AHCYL2: variants seen among roughly 807,000 people sequenced by gnomAD.
AHCYL2 encodes adenosylhomocysteinase like 2, also known as S-adenosylhomocysteine hydrolase-like protein 2.
Under a neutral mutation model 81.4 loss-of-function variants are expected in AHCYL2, and 28 were observed. That is an observed-to-expected ratio of 0.34 (90% confidence interval 0.25 to 0.47). AHCYL2 has a LOEUF of 0.47. AHCYL2 is among the 20% of genes least tolerant of loss of function. AHCYL2 has a pLI of 1.00. For synonymous variants in AHCYL2, 272 were observed against 290.2 expected, an observed-to-expected ratio of 0.94 and a Z score of 0.64; for missense variants, 551 against 785.1, an observed-to-expected ratio of 0.70 and a Z score of 3.56.
chr7:129,356,259 A>G (rs923253903), intron 1 of AHCYL2, among the ~76,000 whole-genome samples: 20 of 152,196 alleles, frequency 1.3e-4, no homozygotes, highest in African/African-American at 4.6e-4. Context: ...TGAATGTAAG[A>G]GTTACACAGT....
chr7:129,365,687 G>A (rs573994215), intron 1 of AHCYL2, among the ~76,000 whole-genome samples: 6 of 146,162 alleles, frequency 4.1e-5, no homozygotes, highest in African/African-American at 1.5e-4. Flanking sequence ...ATTTGTAGAG[G>A]GTTAAGAGGC....
chr7:129,298,743 G>A (rs1797139921), intron 1 of AHCYL2, among the ~76,000 whole-genome samples: 1 of 152,144 alleles, frequency 6.6e-6, no homozygotes, highest in South Asian at 2.1e-4. Flanking sequence ...TCTATTTTAT[G>A]TATTATATTA....
At chr7:129,275,045 T>G (rs868857082) in intron 1 of AHCYL2, among the ~76,000 whole-genome samples, 1 of 152,170 alleles carries the variant, frequency 6.6e-6, no homozygotes, top group Non-Finnish European at 1.5e-5. Flanking sequence ...GATTATTGTT[T>G]AACACTACTA....
At chr7:129,254,692 G>C (rs1027563668) in intron 1 of AHCYL2, among the ~76,000 whole-genome samples, 1 of 152,054 alleles carries the variant, frequency 6.6e-6, no homozygotes, top group African/African-American at 2.4e-5. Context: ...GGATCACTTT[G>C]GCTTTTCTTA....
chr7:129,363,039 A>C (rs997739462), intron 1 of AHCYL2, among the ~76,000 whole-genome samples: 1 of 152,184 alleles, frequency 6.6e-6, no homozygotes, highest in South Asian at 2.1e-4. Flanking sequence ...GTATCGAGTC[A>C]ATACTTGTGG....
intron 1 of AHCYL2, among the ~76,000 whole-genome samples, chr7:129,285,303 A>C (rs1326563193): frequency 3.3e-5 from 5 of 152,174 alleles, no homozygotes; most frequent in Admixed American, 3.3e-4. Flanking sequence ...GAGTTCACAC[A>C]AGTTTGTTGA....
intron 11 of AHCYL2, among the ~76,000 whole-genome samples, chr7:129,412,943 A>G (rs1043906467): frequency 2.0e-5 from 3 of 151,994 alleles, no homozygotes; most frequent in Non-Finnish European, 2.9e-5. Context: ...GGCTCAATCA[A>G]TCCTCCCACC....
chr7:129,249,980 A>G (rs1007338215), intron 1 of AHCYL2, among the ~76,000 whole-genome samples: 2 of 152,116 alleles, frequency 1.3e-5, no homozygotes, highest in African/African-American at 2.4e-5. Flanking sequence ...GGTTGTCTCT[A>G]TATTCTTTTG....
At chr7:129,309,829 C>T (rs1797587585) in intron 1 of AHCYL2, among the ~76,000 whole-genome samples, 1 of 151,802 alleles carries the variant, frequency 6.6e-6, no homozygotes, top group Non-Finnish European at 1.5e-5. Context: ...TGGTTGGTTC[C>T]CTTTGCCTTT....
chr7:129,382,594 T>C lies in AHCYL2; in HGVS notation c.475+2845T>C, dbSNP rs1795011528. Among the ~76,000 whole-genome samples the C allele has an allele frequency of 2.0e-5, 3 of 149,140 alleles. No individual in the cohort carries two copies. In the South Asian group the frequency reaches 6.4e-4, roughly 32 times the overall value. ...CAGCCTGGGCAATAGAGTGAGACTTTTTTTTATTTAATAAAAAAAAATAAT... is the reference window on the plus strand; with the variant it reads ...CAGCCTGGGCAATAGAGTGAGACTTCTTTTTATTTAATAAAAAAAAATAAT... On this transcript the variant is annotated intron_variant, in intron 2 of 16. Transcript: ENST00000325006.
At chr7:129,299,987 T>A (rs955899032) in intron 1 of AHCYL2, among the ~76,000 whole-genome samples, 5 of 152,110 alleles carry the variant, frequency 3.3e-5, no homozygotes, top group African/African-American at 4.8e-5. Flanking sequence ...ACTTGAAAAA[T>A]TTTTTTATTT....
intron 1 of AHCYL2, among the ~76,000 whole-genome samples, chr7:129,296,575 G>A (rs1049730650): frequency 7.9e-5 from 12 of 152,150 alleles, no homozygotes; most frequent in African/African-American, 2.4e-4. Context: ...AGTTGGGCAT[G>A]TAACACATGC....
At chr7:129,231,138 A>G in intron 1 of AHCYL2, among the ~76,000 whole-genome samples, 1 of 152,090 alleles carries the variant, frequency 6.6e-6, no homozygotes, top group Non-Finnish European at 1.5e-5. Flanking sequence ...AGGCTGAGGC[A>G]GGAGAATCAC....
intron 1 of AHCYL2, among the ~76,000 whole-genome samples, chr7:129,285,066 T>C (rs1202438972): frequency 6.6e-6 from 1 of 152,220 alleles, no homozygotes; most frequent in East Asian, 1.9e-4. Context: ...TTAATAAGGC[T>C]GGGACAGCCA....
chr7:129,343,197 A>G (rs1793245506), intron 1 of AHCYL2, among the ~76,000 whole-genome samples: 1 of 152,148 alleles, frequency 6.6e-6, no homozygotes. Flanking sequence ...ATTTCTTGGT[A>G]TTCAATATTC....
At chr7:129,275,081 G>T (rs539601032) in intron 1 of AHCYL2, among the ~76,000 whole-genome samples, 2 of 152,226 alleles carry the variant, frequency 1.3e-5, no homozygotes, top group African/African-American at 4.8e-5. Context: ...TTTAAATTTA[G>T]CCGTAGATAA....
intron 1 of AHCYL2, among the ~76,000 whole-genome samples, chr7:129,309,537 C>A (rs1256964239): frequency 6.6e-6 from 1 of 152,098 alleles, no homozygotes; most frequent in Non-Finnish European, 1.5e-5. Context: ...AAGACCTTGT[C>A]TCAAAATAAA....
intron 1 of AHCYL2, among the ~76,000 whole-genome samples, chr7:129,254,944 A>G (rs1177580771): frequency 6.6e-6 from 1 of 152,170 alleles, no homozygotes; most frequent in Admixed American, 6.5e-5. Context: ...AATTAATTAG[A>G]AAGTAAAGAA....
intron 1 of AHCYL2, among the ~76,000 whole-genome samples, chr7:129,227,609 A>G: frequency 4.5e-5 from 1 of 22,440 alleles, no homozygotes; most frequent in Non-Finnish European, 1.4e-4. Flanking sequence ...ACCTTGTCTC[A>G]AAAAAAAAAA....
Sources: gnomAD v4.1 joint callset for allele counts (sites outside exome capture counted in the v4.1 genomes callset) on GRCh38, gnomAD v4.1.1 for gene constraint, MANE v1.5 for transcripts, NCBI Gene and HGNC (gene_info 2026-07-23, HGNC 2026-07-21) for gene names.